The following PINX1 variants were observed in gnomAD, a reference collection of about 807,000 sequenced individuals.
PINX1 encodes PIN2/TERF1-interacting telomerase inhibitor 1.
PINX1 carries 34 observed loss-of-function variants against 25.4 expected under a neutral mutation model. The ratio of observed to expected loss-of-function variants is 1.34; its 90% CI spans 1.02 to 1.78. PINX1 has a LOEUF of 1.78. Among genes scored for constraint, PINX1 ranks in the 40% most tolerant of loss-of-function variants. The pLI is 0.00. For missense variants in PINX1, 592 were observed against 404.9 expected (o/e 1.46, Z -3.97); for synonymous variants, 197 against 147.7 (o/e 1.33, Z -2.42).
intron 6 of PINX1, among the ~76,000 whole-genome samples, chr8:10,780,880 G>C (rs1801564713): frequency 6.6e-6 from 1 of 152,076 alleles, no homozygotes; most frequent in South Asian, 2.1e-4. Context: ...AACCACAAAA[G>C]ACCTCGAATA....
intron 6 of PINX1, among the ~76,000 whole-genome samples, chr8:10,805,266 G>A (rs1452701945): frequency 1.3e-5 from 2 of 152,194 alleles, no homozygotes; most frequent in Non-Finnish European, 2.9e-5. Flanking sequence ...GGAGGCACAC[G>A]CAAAAGACAT....
intron 6 of PINX1, among the ~76,000 whole-genome samples, chr8:10,795,874 A>G (rs976439463): frequency 6.7e-6 from 1 of 149,816 alleles, no homozygotes; most frequent in Non-Finnish European, 1.5e-5. Flanking sequence ...ATCCCATTTG[A>G]TTTTTTTTTT....
At position 10,765,094 on chromosome 8, in the gene PINX1, G is replaced by A. The variant is rs773696651; in HGVS notation, c.*307C>T. ...CACAGATGCGCACATGCACACACAC[G>A]TGTGCACACTTACATGAATGCATGT... On this transcript the variant is annotated 3_prime_UTR_variant, in exon 7 of 7. Transcript: ENST00000314787. The A allele has an allele frequency of 1.7e-4, 55 of 333,238 alleles. No homozygotes were observed. Among genetic ancestry groups the A allele is most frequent in the Non-Finnish European group, 2.7e-4 (50 of 182,636 alleles). 20.6% of individuals were successfully genotyped at this position (333,238 alleles called of 1,614,324 possible).
intron 6 of PINX1, among the ~76,000 whole-genome samples, chr8:10,775,799 T>C (rs1381309445): frequency 6.6e-6 from 1 of 152,202 alleles, no homozygotes. Flanking sequence ...AATGCAATCA[T>C]TTGCAAGACA....
At chr8:10,786,464 G>C (rs745520723) in intron 6 of PINX1, among the ~76,000 whole-genome samples, 2 of 152,148 alleles carry the variant, frequency 1.3e-5, no homozygotes, top group African/African-American at 2.4e-5. Flanking sequence ...AGTGTGAGCA[G>C]AACTATAACC....
At chr8:10,799,416 G>A (rs1458346665) in intron 6 of PINX1, among the ~76,000 whole-genome samples, 1 of 152,152 alleles carries the variant, frequency 6.6e-6, no homozygotes, top group Non-Finnish European at 1.5e-5. Context: ...TGGGACAGAC[G>A]TGTCTGCTCC....
At chr8:10,772,852 A>T (rs1282428798) in intron 6 of PINX1, among the ~76,000 whole-genome samples, 1 of 151,788 alleles carries the variant, frequency 6.6e-6, no homozygotes, top group African/African-American at 2.4e-5. Flanking sequence ...TTAGAAGCCC[A>T]CTCTGCAGGG....
rs1032387975 is a variant in PINX1, at chr8:10,820,261, G to C, written c.403C>G (p.Leu135Val). ...AGATCTGTTTTGCTCCGAGATGACA[G>C]ATCCTTCCCTAGAAAAACAATGTGA... Reference protein sequence around the residue: ...HYMKFTKGKDLSSRSKTDLDC... With the variant: ...HYMKFTKGKDVSSRSKTDLDC... Residue 135 changes from leucine (L) to valine (V), a missense_variant, in exon 6 of 7, where the codon CTG (leucine) becomes GTG (valine). Transcript: ENST00000314787. 35 of 1,609,668 alleles carry C rather than the reference G, an allele frequency of 2.2e-5. No homozygotes were observed. Among genetic ancestry groups the C allele is most frequent in the Non-Finnish European group, 3.0e-5 (35 of 1,176,358 alleles).
chr8:10,814,343 T>C, intron 6 of PINX1, among the ~76,000 whole-genome samples: 1 of 152,180 alleles, frequency 6.6e-6, no homozygotes, highest in East Asian at 1.9e-4. Flanking sequence ...AATAGCCGGA[T>C]TCAGCAGGGA....
At chr8:10,805,897 G>T (rs1267109737) in intron 6 of PINX1, among the ~76,000 whole-genome samples, 4 of 94,764 alleles carry the variant, frequency 4.2e-5, no homozygotes, top group Non-Finnish European at 6.4e-5. Context: ...TAGTGCTGAG[G>T]GGGTGACAGA....
intron 4 of PINX1, among the ~76,000 whole-genome samples, chr8:10,828,653 G>C (rs1050487579): frequency 6.6e-6 from 1 of 152,186 alleles, no homozygotes; most frequent in African/African-American, 2.4e-5. Flanking sequence ...TATCAAGAAG[G>C]ATGCGTGAGC....
chr8:10,804,591 A>T (rs1170880269), intron 6 of PINX1, among the ~76,000 whole-genome samples: 4 of 152,088 alleles, frequency 2.6e-5, no homozygotes, highest in Non-Finnish European at 5.9e-5. Flanking sequence ...CTCTGAAAGG[A>T]TGCCCTGCAA....
At chr8:10,785,741 G>C (rs536473254) in intron 6 of PINX1, among the ~76,000 whole-genome samples, 19 of 152,344 alleles carry the variant, frequency 1.2e-4, no homozygotes, top group Non-Finnish European at 2.5e-4. Flanking sequence ...CGATTTTTAA[G>C]TACCCAGTAT....
intron 6 of PINX1, among the ~76,000 whole-genome samples, chr8:10,802,572 T>C (rs939227594): frequency 3.3e-5 from 5 of 152,236 alleles, no homozygotes; most frequent in African/African-American, 7.2e-5. Context: ...TATTGGTTAC[T>C]CTGCATTCCT....
intron 6 of PINX1, among the ~76,000 whole-genome samples, chr8:10,813,554 T>C (rs1319113859): frequency 5.3e-5 from 8 of 152,080 alleles, no homozygotes; most frequent in African/African-American, 9.7e-5. Context: ...AAAAAGGAGA[T>C]TGACAGAGAC....
intron 6 of PINX1, among the ~76,000 whole-genome samples, chr8:10,804,283 A>G (rs1283088248): frequency 6.6e-6 from 1 of 152,234 alleles, no homozygotes; most frequent in Non-Finnish European, 1.5e-5. Flanking sequence ...AGCCTAGAAC[A>G]GTACCTAGCA....
intron 6 of PINX1, among the ~76,000 whole-genome samples, chr8:10,773,925 G>C (rs1422315796): frequency 6.6e-6 from 1 of 152,214 alleles, no homozygotes; most frequent in Non-Finnish European, 1.5e-5. Flanking sequence ...AGATAAACGA[G>C]GCTCCTCCAG....
intron 6 of PINX1, among the ~76,000 whole-genome samples, chr8:10,796,869 C>A (rs1802099863): frequency 6.6e-6 from 1 of 152,004 alleles, no homozygotes; most frequent in African/African-American, 2.4e-5. Context: ...ATCTGTGTTT[C>A]CCAAATGTAT....
chr8:10,784,606 T>A (rs1801690561), intron 6 of PINX1, among the ~76,000 whole-genome samples: 1 of 152,176 alleles, frequency 6.6e-6, no homozygotes, highest in African/African-American at 2.4e-5. Flanking sequence ...TCACAAAACC[T>A]AGTTTACTGA....
Sources: allele counts gnomAD v4.1 joint callset (sites outside exome capture counted in the v4.1 genomes callset), GRCh38; gene constraint gnomAD v4.1.1; transcripts MANE v1.5; gene names NCBI Gene and HGNC (gene_info 2026-07-23, HGNC 2026-07-21).